FARP2: variants seen among roughly 807,000 people sequenced by gnomAD.
The protein encoded by FARP2 is FERM, ARH/RhoGEF and pleckstrin domain protein 2.
A neutral mutation model predicts 130.5 loss-of-function variants in FARP2; 111 were observed. That is an observed-to-expected ratio of 0.85 (90% CI 0.73 to 1.00). The LOEUF (loss-of-function observed/expected upper bound fraction) is 1.00. Ranked by LOEUF, FARP2 falls within the 50% of genes least tolerant of loss-of-function variation. The pLI, the probability that FARP2 is intolerant of heterozygous loss-of-function variation, is 0.00. For synonymous variants in FARP2, 504 were observed against 516.9 expected, an observed-to-expected ratio of 0.98 and a Z score of 0.34; for missense variants, 1,385 against 1,346.3, an observed-to-expected ratio of 1.03 and a Z score of -0.45.
chr2:241,404,274 G>A (rs901841129), intron 3 of FARP2, among the ~76,000 whole-genome samples: 1 of 152,190 alleles, frequency 6.6e-6, no homozygotes, highest in African/African-American at 2.4e-5. Flanking sequence ...AAAAAGTGTG[G>A]AGTTTTAATA....
rs143762163 is a variant in FARP2, at chr2:241,382,635, G to A, written c.183+9345G>A. 2.5e-3 allele frequency among the ~76,000 whole-genome samples: 384 copies of A among 152,298 alleles called. 3 individuals are homozygous for A. Among genetic ancestry groups the A allele is most frequent in the African/African-American group, 8.7e-3 (363 of 41,552 alleles). On this transcript the variant is annotated intron_variant, in intron 2 of 26. Transcript: ENST00000264042. ...ATTATCTCCTTGGGGTAAACGTATA[G>A]AAGTGGAGGTTCTTCATCAAAGTGT...
rs1284925200 is a variant in FARP2 at position 241,462,730 on chromosome 2, C to T, written c.1677+118C>T. 3 of 696,008 alleles carry T rather than the reference C, an allele frequency of 4.3e-6. 1 individual carries two copies. The highest frequency in any genetic ancestry group is 7.3e-6 in the Non-Finnish European group (3 of 408,702). 43.1% of individuals were successfully genotyped at this position (696,008 alleles called of 1,614,324 possible). On this transcript the variant is annotated intron_variant, in intron 15 of 26. Transcript: ENST00000264042. ...TTTGAGATGGAGCCTCACTCTGTCA[C>T]CCAGGCTGGAGTGCGGTGGCATGAT...
intron 5 of FARP2, among the ~76,000 whole-genome samples, chr2:241,410,676 C>T (rs969437926): frequency 2.0e-5 from 3 of 152,040 alleles, no homozygotes; most frequent in African/African-American, 7.2e-5. Flanking sequence ...GTGATCCACC[C>T]GCCCCAGCCT....
At chr2:241,372,852 A>G (rs1033362442) in intron 1 of FARP2, 9 of 252,928 alleles carry the variant, frequency 3.6e-5, no homozygotes, top group African/African-American at 2.0e-4. Context: ...CTCATAGAGC[A>G]TCTGGAAATA....
intron 2 of FARP2, among the ~76,000 whole-genome samples, chr2:241,393,797 A>G (rs1575497403): frequency 6.6e-6 from 1 of 152,340 alleles, no homozygotes; most frequent in East Asian, 1.9e-4. Context: ...ATAGTTTTGT[A>G]AATGTAAGTT....
At chr2:241,463,510 A>G (rs1014561381) in intron 16 of FARP2, 42 bp downstream of exon 16, 2 of 1,588,332 alleles carry the variant, frequency 1.3e-6, no homozygotes, top group Non-Finnish European at 1.7e-6. Context: ...TCCCACACCA[A>G]CTCATCATCA....
chr2:241,423,816 G>T (rs1178949423), intron 8 of FARP2, among the ~76,000 whole-genome samples: 2 of 152,156 alleles, frequency 1.3e-5, no homozygotes, highest in Non-Finnish European at 2.9e-5. Flanking sequence ...TGCAATCCTA[G>T]TTTCTGACAG....
intron 4 of FARP2, among the ~76,000 whole-genome samples, chr2:241,406,075 G>A (rs549448542): frequency 1.8e-4 from 27 of 152,226 alleles, no homozygotes; most frequent in African/African-American, 6.3e-4. Context: ...AGGCCAAGGT[G>A]GGCAGATCAC....
In FARP2 at chr2:241,490,911, G is replaced by A. The variant is rs538252229; in HGVS notation, c.2505-150G>A. On this transcript the variant is annotated intron_variant, in intron 22 of 26. Coordinates refer to ENST00000264042, the MANE Select transcript of FARP2 (RefSeq NM_014808.4). Reference sequence around the variant, plus strand: ...CCCAGCTCTCCTCCCTGCTATTCTCGCTGGAGGGGACACGTTTCCCAGTCC... The same window carrying A: ...CCCAGCTCTCCTCCCTGCTATTCTCACTGGAGGGGACACGTTTCCCAGTCC... 1.0e-4 allele frequency: 72 copies of A among 687,966 alleles called. 1 individual carries two copies. Among genetic ancestry groups the A allele is most frequent in the South Asian group, 1.0e-3 (60 of 59,336 alleles). 42.6% of individuals were successfully genotyped at this position (687,966 alleles called of 1,614,324 possible).
chr2:241,371,294 C>G (rs1052729819), intron 1 of FARP2, among the ~76,000 whole-genome samples: 11 of 152,238 alleles, frequency 7.2e-5, no homozygotes, highest in African/African-American at 2.4e-4. Flanking sequence ...ACCAGCCTGG[C>G]CAACATGGTG....
At chr2:241,470,666 T>C (rs11683555) in intron 18 of FARP2, among the ~76,000 whole-genome samples, 56,610 of 147,410 alleles carry the variant, frequency 0.38, 10,863 homozygotes, top group Admixed American at 0.53. Flanking sequence ...ATGAGGGAGA[T>C]ACTGCTCTCA....
chr2:241,453,768 G>GTTTTTTTTT (rs1559786201), intron 13 of FARP2, among the ~76,000 whole-genome samples: 1 of 99,896 alleles, frequency 1.0e-5, no homozygotes. Context: ...GGCACTTACT[G>GTTTTTTTTT]GTTTTTTTTT....
chr2:241,466,183 C>CCT (rs1437559343), intron 17 of FARP2: 1 of 1,053,800 alleles, frequency 9.5e-7, no homozygotes, highest in Non-Finnish European at 1.1e-6. Flanking sequence ...GGGACCACCC[C>CCT]CTCACGGGGC....
intron 13 of FARP2, among the ~76,000 whole-genome samples, chr2:241,452,288 C>T (rs1203770473): frequency 2.0e-5 from 3 of 152,186 alleles, no homozygotes; most frequent in Non-Finnish European, 4.4e-5. Flanking sequence ...TCAGCTAAAC[C>T]TGTTCCCCAG....
intron 21 of FARP2, 53 bp downstream of exon 21, chr2:241,484,384 C>T (rs1281297133): frequency 1.9e-5 from 27 of 1,430,612 alleles, no homozygotes; most frequent in Admixed American, 3.4e-5. Flanking sequence ...GGGCTGGGCC[C>T]CACCTACCTC....
At chr2:241,426,502 A>T (rs1018291531) in intron 8 of FARP2, among the ~76,000 whole-genome samples, 4 of 152,180 alleles carry the variant, frequency 2.6e-5, no homozygotes, top group African/African-American at 9.7e-5. Flanking sequence ...GATGTTGAGG[A>T]GGCAAGATTT....
intron 13 of FARP2, among the ~76,000 whole-genome samples, chr2:241,450,393 C>T (rs780285517): frequency 2.7e-4 from 41 of 151,730 alleles, no homozygotes; most frequent in Admixed American, 5.9e-4. Context: ...AAAGGCCAGG[C>T]GCGGTGGCTC....
chr2:241,411,183 C>A, intron 6 of FARP2, 53 bp downstream of exon 6: 1 of 1,240,426 alleles, frequency 8.1e-7, no homozygotes, highest in Non-Finnish European at 1.2e-6. Flanking sequence ...CACAGATATA[C>A]CCGCACTCAG....
intron 8 of FARP2, among the ~76,000 whole-genome samples, chr2:241,429,087 G>A (rs1415454213): frequency 6.6e-6 from 1 of 152,162 alleles, no homozygotes; most frequent in Non-Finnish European, 1.5e-5. Flanking sequence ...AGTAAATGTT[G>A]GTAACATCAA....
Sources: allele counts gnomAD v4.1 joint callset (sites outside exome capture counted in the v4.1 genomes callset), GRCh38; gene constraint gnomAD v4.1.1; transcripts MANE v1.5; gene names NCBI Gene and HGNC (gene_info 2026-07-23, HGNC 2026-07-21).